CCDC102B: variants seen among roughly 807,000 people sequenced by gnomAD.
CCDC102B encodes coiled-coil domain-containing protein 102B.
In CCDC102B, 75 loss-of-function variants were observed where a neutral mutation model predicts 57.4. That is an observed-to-expected ratio of 1.31 (90% CI 1.08 to 1.58). The LOEUF is 1.58. Among genes scored for constraint, CCDC102B ranks in the 40% most tolerant of loss-of-function variants. The pLI, the probability that CCDC102B is intolerant of heterozygous loss-of-function variation, is 0.00. For synonymous variants in CCDC102B, 206 were observed against 201.9 expected, an observed-to-expected ratio of 1.02 and a Z score of -0.17; for missense variants, 636 against 582.6, an observed-to-expected ratio of 1.09 and a Z score of -0.94.
At chr18:68,829,489 T>C (rs1000538154) in intron 1 of CCDC102B, among the ~76,000 whole-genome samples, 11 of 152,038 alleles carry the variant, frequency 7.2e-5, no homozygotes, top group African/African-American at 1.4e-4. Context: ...TTTGTCTTGA[T>C]TGAAAAAATA....
chr18:68,921,104 A>G (rs1007378497), intron 6 of CCDC102B, among the ~76,000 whole-genome samples: 1 of 152,198 alleles, frequency 6.6e-6, no homozygotes, highest in Non-Finnish European at 1.5e-5. Context: ...TAGCTACTTC[A>G]GAGGTGCCCT....
At chr18:69,008,605 A>G (rs1240228608) in intron 6 of CCDC102B, among the ~76,000 whole-genome samples, 1 of 152,176 alleles carries the variant, frequency 6.6e-6, no homozygotes, top group Non-Finnish European at 1.5e-5. Flanking sequence ...GAGACAGGCA[A>G]TAGTTGATAG....
At chr18:68,769,400 C>T (rs2034567054) in intron 2 of CCDC102B, among the ~76,000 whole-genome samples, 3 of 152,092 alleles carry the variant, frequency 2.0e-5, no homozygotes, top group South Asian at 2.1e-4. Flanking sequence ...CCCAAAGGCC[C>T]CATCTCCAAA....
chr18:68,939,725 A>T (rs1052834913), intron 6 of CCDC102B, among the ~76,000 whole-genome samples: 38 of 151,854 alleles, frequency 2.5e-4, no homozygotes, highest in African/African-American at 8.9e-4. Flanking sequence ...TTTGCATTTA[A>T]GTAAGATGTC....
At chr18:68,775,811 G>A (rs752182719) in intron 2 of CCDC102B, among the ~76,000 whole-genome samples, 6 of 151,780 alleles carry the variant, frequency 4.0e-5, no homozygotes, top group Non-Finnish European at 7.4e-5. Flanking sequence ...CCGCCACCAC[G>A]CCCAGCTAAT....
At chr18:68,772,700 G>T (rs1451400294) in intron 2 of CCDC102B, among the ~76,000 whole-genome samples, 1 of 152,036 alleles carries the variant, frequency 6.6e-6, no homozygotes, top group South Asian at 2.1e-4. Context: ...CTTGGAAATT[G>T]AAATTTAGAA....
intron 2 of CCDC102B, among the ~76,000 whole-genome samples, chr18:68,749,577 T>A (rs2033764325): frequency 6.6e-6 from 1 of 152,158 alleles, no homozygotes; most frequent in Non-Finnish European, 1.5e-5. Context: ...GCTCTCTGTT[T>A]GTCTGTTATT....
chr18:68,765,334 A>G (rs2034411829), intron 2 of CCDC102B, among the ~76,000 whole-genome samples: 1 of 106,082 alleles, frequency 9.4e-6, no homozygotes, highest in Admixed American at 9.3e-5. Context: ...GGAAAGAAAG[A>G]AAGAAAGAAA....
At chr18:68,876,072 GAT>G (rs1168962913) in intron 5 of CCDC102B, among the ~76,000 whole-genome samples, 1 of 152,170 alleles carries the variant, frequency 6.6e-6, no homozygotes, top group Non-Finnish European at 1.5e-5. Flanking sequence ...TATCAGGATA[GAT>G]ATCTCTTTTT....
chr18:68,721,274 C>T (rs998501580), intron 2 of CCDC102B: 1 of 152,104 alleles, frequency 6.6e-6, no homozygotes, highest in African/African-American at 2.4e-5. Context: ...ATGAGCATGC[C>T]CATGTAACTG....
intron 6 of CCDC102B, among the ~76,000 whole-genome samples, chr18:68,966,988 T>C (rs1257970082): frequency 6.6e-6 from 1 of 152,136 alleles, no homozygotes; most frequent in East Asian, 1.9e-4. Flanking sequence ...GATTGTTCAA[T>C]AGTTGCTGTT....
At chr18:69,027,336 C>T (rs1599868025) in intron 7 of CCDC102B, among the ~76,000 whole-genome samples, 1 of 152,242 alleles carries the variant, frequency 6.6e-6, no homozygotes, top group East Asian at 1.9e-4. Context: ...AAACGGTTTT[C>T]CTAATAAGTC....
rs548112455 is a variant in CCDC102B at position 68,948,125 on chromosome 18, A to G, written c.1263+50697A>G. 6.3e-4 allele frequency among the ~76,000 whole-genome samples: 96 copies of G among 152,254 alleles called. 1 individual carries two copies. The highest frequency in any genetic ancestry group is 2.2e-3 in the African/African-American group (93 of 41,582). On this transcript the variant is annotated intron_variant, in intron 6 of 7. Transcript: ENST00000360242. Reference sequence around the variant, plus strand: ...TTATTTTTGATTAATTAGTGCCTACATGTGTGTTTAAGCTAAGTAGAATTT... The same window carrying G: ...TTATTTTTGATTAATTAGTGCCTACGTGTGTGTTTAAGCTAAGTAGAATTT...
At chr18:68,956,334 T>TATATTATATATATAAA (rs1555732876) in intron 6 of CCDC102B, among the ~76,000 whole-genome samples, 1 of 73,502 alleles carries the variant, frequency 1.4e-5, no homozygotes, top group Admixed American at 2.0e-4. Flanking sequence ...ATATATATTA[T>TATATTATATATATAAA]ATATAATATA....
intron 2 of CCDC102B, among the ~76,000 whole-genome samples, chr18:68,774,183 C>T (rs2034734887): frequency 6.6e-6 from 1 of 151,850 alleles, no homozygotes; most frequent in Non-Finnish European, 1.5e-5. Context: ...TATTTTGAGA[C>T]AACTCTGGGT....
intron 6 of CCDC102B, among the ~76,000 whole-genome samples, chr18:68,926,754 A>G (rs2041487398): frequency 6.6e-6 from 1 of 151,948 alleles, no homozygotes; most frequent in Admixed American, 6.6e-5. Context: ...TTGTGAAGTT[A>G]GAATTCACTT....
intron 7 of CCDC102B, among the ~76,000 whole-genome samples, chr18:69,053,509 C>T (rs1325395358): frequency 6.6e-6 from 1 of 151,562 alleles, no homozygotes; most frequent in African/African-American, 2.4e-5. Context: ...TTTCAGAGAT[C>T]ATTTTGAGGT....
chr18:68,872,489 T>G (rs1184848757), intron 4 of CCDC102B, among the ~76,000 whole-genome samples: 1 of 152,132 alleles, frequency 6.6e-6, no homozygotes. Context: ...GCTGTGTCCT[T>G]AATTTATGAG....
At chr18:68,909,580 T>C (rs2040766617) in intron 6 of CCDC102B, among the ~76,000 whole-genome samples, 1 of 152,206 alleles carries the variant, frequency 6.6e-6, no homozygotes, top group South Asian at 2.1e-4. Context: ...ATTACTTTTT[T>C]AAAAATAGGA....
Sources: allele counts gnomAD v4.1 joint callset (sites outside exome capture counted in the v4.1 genomes callset), GRCh38; gene constraint gnomAD v4.1.1; transcripts MANE v1.5; gene names NCBI Gene and HGNC (gene_info 2026-07-23, HGNC 2026-07-21).